Variants in RBFOX1 observed in about 807,000 individuals in gnomAD.
RBFOX1 encodes RNA binding protein fox-1 homolog 1.
Under a neutral mutation model 57.7 loss-of-function variants are expected in RBFOX1, and 8 were observed. That is an observed-to-expected ratio of 0.14 (90% CI 0.08 to 0.25). The LOEUF (loss-of-function observed/expected upper bound fraction) is 0.25, where lower values mean the gene tolerates loss of function less well. Among genes scored for constraint, RBFOX1 ranks in the 10% least tolerant of loss-of-function variants. The probability of loss-of-function intolerance (pLI) is 1.00; values close to 1 mark genes in which losing one functional copy is unlikely to be tolerated. For missense variants in RBFOX1, 611 were observed against 548.5 expected (o/e 1.11, Z -1.14); for synonymous variants, 326 against 222.4 (o/e 1.47, Z -4.15).
chr16:5,488,920 G>A (rs4622512), intron 2 of RBFOX1, among the ~76,000 whole-genome samples: 110,968 of 152,122 alleles, frequency 0.73, 41,306 homozygotes, highest in East Asian at 0.89. Flanking sequence ...TAAAACTTGA[G>A]TGCTGACTTA....
intron 4 of RBFOX1, among the ~76,000 whole-genome samples, chr16:7,477,753 A>G (rs2063042667): frequency 2.0e-5 from 3 of 152,198 alleles, no homozygotes; most frequent in Non-Finnish European, 4.4e-5. Flanking sequence ...TCCACTGCAA[A>G]TATGACCTTT....
chr16:6,346,484 T>A (rs1208487854), intron 2 of RBFOX1, among the ~76,000 whole-genome samples: 1 of 146,326 alleles, frequency 6.8e-6, no homozygotes, highest in African/African-American at 2.5e-5. Context: ...AGGGATCAGG[T>A]ACTGTTCCAA....
chr16:7,100,564 T>G (rs1162096448), intron 4 of RBFOX1, among the ~76,000 whole-genome samples: 1 of 99,406 alleles, frequency 1.0e-5, no homozygotes, highest in Non-Finnish European at 2.1e-5. Flanking sequence ...TTTTAAAGGT[T>G]GTTTTTTTTT....
intron 3 of RBFOX1, among the ~76,000 whole-genome samples, chr16:5,605,674 A>C (rs761719826): frequency 6.6e-6 from 1 of 151,122 alleles, no homozygotes; most frequent in Admixed American, 6.6e-5. Flanking sequence ...CTAGGAGGGG[A>C]GAGTGTTGTC....
At chr16:7,486,840 T>A (rs2065527926) in intron 4 of RBFOX1, among the ~76,000 whole-genome samples, 1 of 152,200 alleles carries the variant, frequency 6.6e-6, no homozygotes, top group Admixed American at 6.5e-5. Context: ...TCACCTCCTG[T>A]TTTTGTTCAG....
chr16:6,457,533 T>G (rs764177036), intron 2 of RBFOX1, among the ~76,000 whole-genome samples: 5 of 151,336 alleles, frequency 3.3e-5, no homozygotes, highest in Non-Finnish European at 7.4e-5. Flanking sequence ...GCATCTTAAC[T>G]ATAACTTTAA....
chr16:5,452,102 C>A (rs1416908735), intron 1 of RBFOX1, among the ~76,000 whole-genome samples: 2 of 138,216 alleles, frequency 1.4e-5, no homozygotes, highest in African/African-American at 6.1e-5. Context: ...TCTGATTTAT[C>A]TCTCTCTCTC....
intron 3 of RBFOX1, among the ~76,000 whole-genome samples, chr16:6,893,183 G>T (rs1286224558): frequency 6.6e-6 from 1 of 152,098 alleles, no homozygotes; most frequent in Non-Finnish European, 1.5e-5. Flanking sequence ...AGGCAGTGGA[G>T]TGAGTTTACA....
chr16:6,918,114 C>G (rs969328121), intron 3 of RBFOX1, among the ~76,000 whole-genome samples: 1 of 152,144 alleles, frequency 6.6e-6, no homozygotes, highest in African/African-American at 2.4e-5. Context: ...TGGTGAAACC[C>G]CTGTCTCTAC....
chr16:5,740,821 T>A (rs1818310256), intron 3 of RBFOX1, among the ~76,000 whole-genome samples: 1 of 152,092 alleles, frequency 6.6e-6, no homozygotes, highest in Non-Finnish European at 1.5e-5. Context: ...TTTTAGTATG[T>A]CTTGTGGCGT....
intron 3 of RBFOX1, among the ~76,000 whole-genome samples, chr16:6,840,736 A>T (rs2093411589): frequency 6.6e-6 from 1 of 151,792 alleles, no homozygotes; most frequent in Non-Finnish European, 1.5e-5. Flanking sequence ...CAAATACAAA[A>T]ATTAGATCAG....
intron 3 of RBFOX1, among the ~76,000 whole-genome samples, chr16:6,807,273 A>T (rs546622971): frequency 1.3e-4 from 20 of 152,244 alleles, no homozygotes; most frequent in African/African-American, 4.8e-4. Flanking sequence ...GAGGGAGATG[A>T]TGGGAACTAA....
rs117755292 is a variant in RBFOX1 at position 6,968,459 on chromosome 16, C to T, written c.-15-83598C>T. 2.6e-3 allele frequency among the ~76,000 whole-genome samples: 399 copies of T among 152,242 alleles called. 3 individuals are homozygous for T. In the Middle Eastern group the frequency reaches 0.031, roughly 12 times the overall value. On this transcript the variant is annotated intron_variant, in intron 3 of 15. Transcript: ENST00000550418. ...ATAAAAGCATGCTGCCTGACGCTAT[C>T]CGGACCGAAAAACTGAGGCTTCTCC...
At chr16:6,011,443 A>T (rs1470009337) in intron 4 of RBFOX1, among the ~76,000 whole-genome samples, 2 of 152,030 alleles carry the variant, frequency 1.3e-5, no homozygotes, top group Non-Finnish European at 2.9e-5. Context: ...ACTGTTAAAG[A>T]TTTAAAAACG....
chr16:5,673,576 T>G (rs1053940296), intron 3 of RBFOX1, among the ~76,000 whole-genome samples: 3 of 152,166 alleles, frequency 2.0e-5, no homozygotes, highest in African/African-American at 7.2e-5. Flanking sequence ...TTCCGTCAAG[T>G]GGAAGGGGCT....
At chr16:7,223,728 A>AAAAAAAAAAG (rs1567780084) in intron 4 of RBFOX1, among the ~76,000 whole-genome samples, 1 of 150,936 alleles carries the variant, frequency 6.6e-6, no homozygotes, top group African/African-American at 2.4e-5. Context: ...AAAAAAAAAA[A>AAAAAAAAAAG]AAAGAAAAAG....
At chr16:5,530,041 C>A (rs8053620) in intron 2 of RBFOX1, among the ~76,000 whole-genome samples, 106,212 of 151,914 alleles carry the variant, frequency 0.7, 37,700 homozygotes, top group East Asian at 0.88. Context: ...AGACACCTTG[C>A]TTTCAGGCTT....
chr16:6,562,735 G>A (rs1024797559), intron 2 of RBFOX1, among the ~76,000 whole-genome samples: 10 of 152,180 alleles, frequency 6.6e-5, no homozygotes, highest in African/African-American at 2.4e-4. Context: ...CTCCTTGGAG[G>A]TTCACATTCT....
chr16:6,570,431 C>A (rs923736667), intron 2 of RBFOX1, among the ~76,000 whole-genome samples: 2 of 151,998 alleles, frequency 1.3e-5, no homozygotes, highest in African/African-American at 4.8e-5. Context: ...ATTGACTCAG[C>A]TTAATACTGA....
Sources: gnomAD v4.1 joint callset for allele counts (sites outside exome capture counted in the v4.1 genomes callset) on GRCh38, gnomAD v4.1.1 for gene constraint, MANE v1.5 for transcripts, NCBI Gene and HGNC (gene_info 2026-07-23, HGNC 2026-07-21) for gene names.